The following C1QTNF3 variants were observed in gnomAD, a reference collection of about 807,000 sequenced individuals.
The protein encoded by C1QTNF3 is complement C1q tumor necrosis factor-related protein 3.
C1QTNF3 carries 26 observed loss-of-function variants against 32.6 expected under a neutral mutation model. The ratio of observed to expected loss-of-function variants is 0.80; its 90% confidence interval spans 0.58 to 1.11. The LOEUF is 1.11. Ranked by LOEUF, C1QTNF3 falls within the 50% of genes least tolerant of loss-of-function variation. The probability of loss-of-function intolerance (pLI) is 0.00; values close to 1 mark genes in which losing one functional copy is unlikely to be tolerated. For missense variants in C1QTNF3, 362 were observed against 398.2 expected, an observed-to-expected ratio of 0.91 and a Z score of 0.77; for synonymous variants, 155 against 146.0, an observed-to-expected ratio of 1.06 and a Z score of -0.44.
chr5:34,079,729 C>T, the C1QTNF3 span, among the ~76,000 whole-genome samples: 44 of 151,552 alleles, frequency 2.9e-4, 1 homozygote, highest in Non-Finnish European at 1.2e-4. Flanking sequence ...AAGTCTGAGT[C>T]AAAATCATAG....
At chr5:34,130,132 T>TACAC in the C1QTNF3 span, among the ~76,000 whole-genome samples, 22 of 149,544 alleles carry the variant, frequency 1.5e-4, no homozygotes, top group South Asian at 6.4e-4. Flanking sequence ...TTTATATATA[T>TACAC]ACACACACAC....
chr5:34,073,346 A>G, the C1QTNF3 span, among the ~76,000 whole-genome samples: 5 of 152,018 alleles, frequency 3.3e-5, no homozygotes, highest in Non-Finnish European at 1.5e-5. Context: ...AAAAAAAGTA[A>G]TTGTATGTGT....
At chr5:34,223,997 T>C in the C1QTNF3 span, among the ~76,000 whole-genome samples, 2 of 152,212 alleles carry the variant, frequency 1.3e-5, no homozygotes, top group African/African-American at 2.4e-5. Context: ...CGCATTTGTA[T>C]ACACCAATAA....
chr5:34,197,746 C>T, the C1QTNF3 span, among the ~76,000 whole-genome samples: 1 of 151,808 alleles, frequency 6.6e-6, no homozygotes, highest in Non-Finnish European at 1.5e-5. Flanking sequence ...TGCACTGTCG[C>T]TATAGAATAC....
At chr5:34,026,940 T>C (rs544831087) in intron 4 of C1QTNF3, among the ~76,000 whole-genome samples, 157 of 152,216 alleles carry the variant, frequency 1.0e-3, no homozygotes, top group African/African-American at 3.6e-3. Context: ...ATGGTAGAAA[T>C]GGCCAGACAA....
chr5:34,222,172 T>G, the C1QTNF3 span, among the ~76,000 whole-genome samples: 1 of 152,024 alleles, frequency 6.6e-6, no homozygotes, highest in Non-Finnish European at 1.5e-5. Flanking sequence ...AAAAAAACTC[T>G]AGAAATAAAT....
At chr5:34,139,336 T>C in the C1QTNF3 span, among the ~76,000 whole-genome samples, 2 of 152,148 alleles carry the variant, frequency 1.3e-5, no homozygotes, top group South Asian at 2.1e-4. Context: ...AAAGTAAATT[T>C]AGGTATTTTA....
intron 4 of C1QTNF3, among the ~76,000 whole-genome samples, chr5:34,027,535 T>C (rs527835530): frequency 8.5e-5 from 13 of 152,096 alleles, no homozygotes; most frequent in African/African-American, 3.1e-4. Flanking sequence ...CCGTCTCTAC[T>C]AAAACTACAA....
the C1QTNF3 span, chr5:34,218,277 G>A: frequency 1.3e-5 from 2 of 151,418 alleles, no homozygotes; most frequent in African/African-American, 4.9e-5. Context: ...AGATCAAAAC[G>A]TCACCTTTAT....
At chr5:34,067,264 C>T in the C1QTNF3 span, among the ~76,000 whole-genome samples, 1 of 152,198 alleles carries the variant, frequency 6.6e-6, no homozygotes, top group African/African-American at 2.4e-5. Context: ...CTGTTTCACC[C>T]TCTATCTGTT....
At chr5:34,080,901 A>G in the C1QTNF3 span, among the ~76,000 whole-genome samples, 1 of 151,606 alleles carries the variant, frequency 6.6e-6, no homozygotes, top group African/African-American at 2.4e-5. Context: ...AACATTACCC[A>G]TTTTCTAGTC....
At chr5:34,105,118 CAA>C in the C1QTNF3 span, among the ~76,000 whole-genome samples, 1 of 152,140 alleles carries the variant, frequency 6.6e-6, no homozygotes, top group Non-Finnish European at 1.5e-5. Context: ...CCTCTCTGAC[CAA>C]AGTCAGTTTC....
chr5:34,056,471 TATATATATAGAGAGAGAG>T, the C1QTNF3 span, among the ~76,000 whole-genome samples: 3 of 110,114 alleles, frequency 2.7e-5, no homozygotes, highest in African/African-American at 7.4e-5. Flanking sequence ...TATATATATA[TATATATATAGAGAGAGAG>T]AGAGAGAGAG....
chr5:34,121,379 A>G, the C1QTNF3 span, among the ~76,000 whole-genome samples: 2 of 152,144 alleles, frequency 1.3e-5, no homozygotes, highest in African/African-American at 4.8e-5. Flanking sequence ...AATTGGAGGT[A>G]CAGTTCCACA....
At chr5:34,119,790 C>T in the C1QTNF3 span, among the ~76,000 whole-genome samples, 2 of 152,140 alleles carry the variant, frequency 1.3e-5, no homozygotes, top group Admixed American at 1.3e-4. Context: ...TACTAACTCC[C>T]CTAACTCCCT....
chr5:34,116,772 T>G, the C1QTNF3 span, among the ~76,000 whole-genome samples: 1 of 151,850 alleles, frequency 6.6e-6, no homozygotes, highest in Non-Finnish European at 1.5e-5. Context: ...TTTTTTGTAT[T>G]TTTAGTACAG....
At chr5:34,162,231 T>G in the C1QTNF3 span, among the ~76,000 whole-genome samples, 2 of 152,152 alleles carry the variant, frequency 1.3e-5, no homozygotes. Flanking sequence ...GGTGAGTGCC[T>G]ACATTCTCTG....
At chr5:34,124,503 G>A in the C1QTNF3 span, 3 of 712,652 alleles carry the variant, frequency 4.2e-6, no homozygotes, top group African/African-American at 3.5e-5. Flanking sequence ...CCAGGAGCAA[G>A]AGAGATGGGA....
At chr5:34,121,453 G>C in the C1QTNF3 span, among the ~76,000 whole-genome samples, 5 of 152,100 alleles carry the variant, frequency 3.3e-5, no homozygotes, top group Admixed American at 2.0e-4. Context: ...GCGGCGGCAA[G>C]AGAAAATGAG....
Sources: allele counts gnomAD v4.1 joint callset (sites outside exome capture counted in the v4.1 genomes callset), GRCh38; gene constraint gnomAD v4.1.1; transcripts MANE v1.5; gene names NCBI Gene and HGNC (gene_info 2026-07-23, HGNC 2026-07-21).